TSPAN12: variants seen among roughly 807,000 people sequenced by gnomAD.
TSPAN12 encodes tetraspanin-12.
In TSPAN12, 19 loss-of-function variants were observed where a neutral mutation model predicts 39.2. The observed-to-expected ratio is 0.49, with a 90% CI of 0.34 to 0.71. The LOEUF (loss-of-function observed/expected upper bound fraction) is 0.71, where lower values mean the gene tolerates loss of function less well. Among genes scored for constraint, TSPAN12 ranks in the 30% least tolerant of loss-of-function variants. The pLI is 0.01. For synonymous variants in TSPAN12, 119 were observed against 124.8 expected (o/e 0.95, Z 0.31); for missense variants, 314 against 359.9 (o/e 0.87, Z 1.03).
At chr7:120,852,106 A>G (rs986434617) in intron 2 of TSPAN12, among the ~76,000 whole-genome samples, 7 of 152,240 alleles carry the variant, frequency 4.6e-5, no homozygotes, top group African/African-American at 1.7e-4. Context: ...ACTTAAAAAA[A>G]AAACTCTCAG....
chr7:120,850,307 T>C (rs921515697), intron 2 of TSPAN12, among the ~76,000 whole-genome samples: 1 of 152,234 alleles, frequency 6.6e-6, no homozygotes, highest in African/African-American at 2.4e-5. Context: ...TATAAGCCTC[T>C]GTTGTTTGGG....
intron 4 of TSPAN12, among the ~76,000 whole-genome samples, chr7:120,823,587 G>A (rs1434029749): frequency 6.6e-6 from 1 of 152,126 alleles, no homozygotes; most frequent in African/African-American, 2.4e-5. Flanking sequence ...AGGAAGTATG[G>A]TGGGTGAGGC....
chr7:120,815,906 G>T, intron 4 of TSPAN12, 103 bp from the exon 5 acceptor site: 1 of 1,045,182 alleles, frequency 9.6e-7, no homozygotes, highest in Non-Finnish European at 1.4e-6. Flanking sequence ...GAAAACAGAG[G>T]CAAGTTTTCA....
intron 2 of TSPAN12, among the ~76,000 whole-genome samples, chr7:120,841,543 C>T (rs2116474880): frequency 6.6e-6 from 1 of 152,268 alleles, no homozygotes; most frequent in East Asian, 1.9e-4. Context: ...TACATAGAAA[C>T]ATTTATGATA....
rs373073148 is a variant in TSPAN12, at chr7:120,856,716, G to A, written c.48C>T (p.Ala16=). 1.9e-6 allele frequency: 3 copies of A among 1,614,092 alleles called. No individual in the cohort carries two copies. In the African/African-American group the frequency reaches 4.0e-5, roughly 22 times the overall value. The change falls in exon 2 of 8, where the codon GCC becomes GCT. Residue 16 remains alanine, a synonymous_variant. Transcript: ENST00000222747. ...TACTTACCCAAAAGAGCAGATTGAGGGCGTAGAGCAGGCAGCGCAGACACT... is the reference window on the plus strand; with the variant it reads ...TACTTACCCAAAAGAGCAGATTGAGAGCGTAGAGCAGGCAGCGCAGACACT... ...SVKCLRCLLY[A]LNLLFWLMSI...
intron 2 of TSPAN12, among the ~76,000 whole-genome samples, chr7:120,844,663 G>A (rs1226872394): frequency 1.3e-5 from 2 of 152,204 alleles, no homozygotes; most frequent in Admixed American, 1.3e-4. Context: ...CTGATGCAAG[G>A]GGTGGGCCCC....
At chr7:120,831,121 T>C (rs544809958) in intron 4 of TSPAN12, among the ~76,000 whole-genome samples, 1 of 152,054 alleles carries the variant, frequency 6.6e-6, no homozygotes, top group East Asian at 1.9e-4. Flanking sequence ...TCTTAGAATG[T>C]TTACTATCAA....
intron 7 of TSPAN12, among the ~76,000 whole-genome samples, chr7:120,792,776 G>A (rs1267096182): frequency 2.0e-5 from 3 of 152,198 alleles, no homozygotes; most frequent in Non-Finnish European, 4.4e-5. Context: ...AAACGCTGGA[G>A]AGGTGGAAAA....
At chr7:120,799,570 T>TATATAATTATATGTAATAATATAATTATA (rs1317423580) in intron 7 of TSPAN12, among the ~76,000 whole-genome samples, 1 of 107,876 alleles carries the variant, frequency 9.3e-6, no homozygotes, top group African/African-American at 3.7e-5. Flanking sequence ...ATATAATTAT[T>TATATAATTATATGTAATAATATAATTATA]TATATAATTA....
At chr7:120,846,740 A>G (rs1017248594) in intron 2 of TSPAN12, among the ~76,000 whole-genome samples, 5 of 152,180 alleles carry the variant, frequency 3.3e-5, no homozygotes, top group African/African-American at 1.2e-4. Flanking sequence ...AGGTTAATCA[A>G]CTTATCAGGG....
intron 2 of TSPAN12, among the ~76,000 whole-genome samples, chr7:120,850,263 A>G (rs1319541726): frequency 6.6e-6 from 1 of 152,218 alleles, no homozygotes; most frequent in Non-Finnish European, 1.5e-5. Flanking sequence ...AGATAGGGTG[A>G]CCATGCATCC....
chr7:120,806,785 C>G, intron 6 of TSPAN12, 93 bp from the exon 7 acceptor site: 1 of 1,499,344 alleles, frequency 6.7e-7, no homozygotes, highest in South Asian at 1.2e-5. Context: ...AATTTTTGTA[C>G]CCAGAGCTAT....
intron 2 of TSPAN12, among the ~76,000 whole-genome samples, chr7:120,851,127 A>T (rs930655210): frequency 9.2e-5 from 14 of 152,244 alleles, no homozygotes; most frequent in African/African-American, 2.9e-4. Flanking sequence ...ACACCAATTT[A>T]AAATGTAGTA....
intron 3 of TSPAN12, 72 bp downstream of exon 3, chr7:120,839,955 C>T: frequency 1.6e-6 from 2 of 1,249,036 alleles, no homozygotes; most frequent in Non-Finnish European, 2.4e-6. Context: ...AGAGCACTAC[C>T]ATATAAATAG....
At chr7:120,822,918 A>G (rs931137728) in intron 4 of TSPAN12, among the ~76,000 whole-genome samples, 5 of 152,220 alleles carry the variant, frequency 3.3e-5, no homozygotes, top group African/African-American at 1.2e-4. Flanking sequence ...ACTCAAATCA[A>G]ACCAAATTAG....
intron 4 of TSPAN12, among the ~76,000 whole-genome samples, chr7:120,837,405 G>A (rs1476573973): frequency 2.0e-5 from 3 of 150,674 alleles, no homozygotes; most frequent in Admixed American, 6.6e-5. Flanking sequence ...TCCGCCTCCC[G>A]GGTTCACACC....
At chr7:120,846,385 T>C (rs1302025819) in intron 2 of TSPAN12, among the ~76,000 whole-genome samples, 1 of 152,266 alleles carries the variant, frequency 6.6e-6, no homozygotes, top group Non-Finnish European at 1.5e-5. Flanking sequence ...TGTTCTATAC[T>C]GGCTTTATAG....
chr7:120,844,717 G>C (rs1391797260), intron 2 of TSPAN12, among the ~76,000 whole-genome samples: 1 of 152,202 alleles, frequency 6.6e-6, no homozygotes, highest in African/African-American at 2.4e-5. Context: ...GCAGGGTACA[G>C]TCCCTGTGGT....
intron 2 of TSPAN12, among the ~76,000 whole-genome samples, 192 bp from the exon 3 acceptor site, chr7:120,840,301 T>C (rs891103952): frequency 3.3e-5 from 5 of 152,200 alleles, no homozygotes; most frequent in Admixed American, 2.0e-4. Context: ...CCAAATGGAA[T>C]ACCACCCAAA....
Sources: gnomAD v4.1 joint callset for allele counts (sites outside exome capture counted in the v4.1 genomes callset) on GRCh38, gnomAD v4.1.1 for gene constraint, MANE v1.5 for transcripts, NCBI Gene and HGNC (gene_info 2026-07-23, HGNC 2026-07-21) for gene names.